The following TMEM116 variants were observed in gnomAD, a reference collection of about 807,000 sequenced individuals.
The protein encoded by TMEM116 is transmembrane protein 116.
TMEM116 carries 38 observed loss-of-function variants against 44.3 expected under a neutral mutation model. The observed-to-expected ratio is 0.86, with a 90% CI of 0.66 to 1.12. The LOEUF (loss-of-function observed/expected upper bound fraction) is 1.12, where lower values mean the gene tolerates loss of function less well. Among genes scored for constraint, TMEM116 ranks in the 50% most tolerant of loss-of-function variants. The pLI is 0.00. For missense variants in TMEM116, 354 were observed against 401.7 expected (o/e 0.88, Z 1.01); for synonymous variants, 132 against 144.8 (o/e 0.91, Z 0.64).
intron 3 of TMEM116, among the ~76,000 whole-genome samples, chr12:112,000,571 G>A (rs1172091536): frequency 6.7e-6 from 1 of 150,016 alleles, no homozygotes; most frequent in East Asian, 1.9e-4. Flanking sequence ...TTGTCACACA[G>A]GCTGGAGTGC....
At chr12:111,979,444 GAA>G (rs2075834695) in intron 4 of TMEM116, among the ~76,000 whole-genome samples, 1 of 152,078 alleles carries the variant, frequency 6.6e-6, no homozygotes. Flanking sequence ...TATAGAAACA[GAA>G]GGAAAACAGA....
At chr12:111,951,639 AC>A (rs2073740969) in intron 4 of TMEM116, among the ~76,000 whole-genome samples, 1 of 152,118 alleles carries the variant, frequency 6.6e-6, no homozygotes, top group Non-Finnish European at 1.5e-5. Flanking sequence ...ATAGAGGGAA[AC>A]AACACACACT....
chr12:111,954,710 T>C (rs1380074321), intron 4 of TMEM116, among the ~76,000 whole-genome samples: 1 of 152,228 alleles, frequency 6.6e-6, no homozygotes, highest in African/African-American at 2.4e-5. Flanking sequence ...CAACCCAAAC[T>C]GGTGTCTCTA....
At chr12:111,997,439 T>C (rs2076986153) in intron 3 of TMEM116, among the ~76,000 whole-genome samples, 1 of 152,066 alleles carries the variant, frequency 6.6e-6, no homozygotes, top group African/African-American at 2.4e-5. Context: ...CGTGCACCTG[T>C]AGTCCCAGCT....
At chr12:111,956,088 G>A (rs2074066173) in intron 4 of TMEM116, among the ~76,000 whole-genome samples, 1 of 152,178 alleles carries the variant, frequency 6.6e-6, no homozygotes, top group East Asian at 1.9e-4. Context: ...ACTAGCTATG[G>A]GCAAATGATT....
chr12:111,937,560 A>T (rs190905064), intron 6 of TMEM116, among the ~76,000 whole-genome samples: 86 of 152,292 alleles, frequency 5.6e-4, no homozygotes, highest in Non-Finnish European at 9.4e-4. Context: ...AAATCTACTA[A>T]GGAGTTCTGT....
At chr12:111,942,218 G>A (rs1210338456) in intron 5 of TMEM116, among the ~76,000 whole-genome samples, 5 of 152,056 alleles carry the variant, frequency 3.3e-5, no homozygotes, top group Non-Finnish European at 5.9e-5. Context: ...GATTACAGGT[G>A]TGAGCCACCA....
At chr12:111,958,277 T>TAACAAAAAA (rs1491480651) in intron 4 of TMEM116, among the ~76,000 whole-genome samples, 1 of 27,494 alleles carries the variant, frequency 3.6e-5, no homozygotes, top group African/African-American at 1.3e-4. Flanking sequence ...CAATAAATAC[T>TAACAAAAAA]AAAAAAAAAA....
intron 4 of TMEM116, among the ~76,000 whole-genome samples, chr12:111,962,708 A>C (rs558694330): frequency 6.6e-6 from 1 of 152,372 alleles, no homozygotes; most frequent in African/African-American, 2.4e-5. Flanking sequence ...AAACCATAAA[A>C]ACCCTAGAAG....
chr12:112,006,112 A>C (rs1288467885), intron 1 of TMEM116: 1 of 242,776 alleles, frequency 4.1e-6, no homozygotes, highest in Non-Finnish European at 6.6e-6. Context: ...TCCTATACTG[A>C]ATCCTGCTCT....
intron 4 of TMEM116, among the ~76,000 whole-genome samples, chr12:111,960,078 A>G (rs2074464228): frequency 6.6e-6 from 1 of 152,222 alleles, no homozygotes; most frequent in Admixed American, 6.5e-5. Context: ...CATTTATTCT[A>G]AAATTGACCA....
intron 5 of TMEM116, among the ~76,000 whole-genome samples, chr12:111,941,430 G>T (rs931916697): frequency 2.7e-5 from 4 of 149,162 alleles, no homozygotes; most frequent in African/African-American, 9.8e-5. Flanking sequence ...GTAAACTAAA[G>T]AAAAGGTGCC....
intron 4 of TMEM116, among the ~76,000 whole-genome samples, chr12:111,960,584 A>G (rs2074510694): frequency 6.6e-6 from 1 of 151,944 alleles, no homozygotes; most frequent in Admixed American, 6.6e-5. Flanking sequence ...ACTACTGGGT[A>G]AATAACGAAA....
chr12:111,962,570 T>C (rs760471877), intron 4 of TMEM116, among the ~76,000 whole-genome samples: 51 of 152,294 alleles, frequency 3.3e-4, no homozygotes, highest in Admixed American at 9.8e-4. Flanking sequence ...GGGGAAAGGA[T>C]TGCCTATTTA....
intron 4 of TMEM116, among the ~76,000 whole-genome samples, chr12:111,946,923 T>A (rs1163766478): frequency 6.6e-6 from 1 of 152,136 alleles, no homozygotes; most frequent in Non-Finnish European, 1.5e-5. Flanking sequence ...ACCTCCAGCA[T>A]AAATGGGTTA....
chr12:111,952,917 G>C (rs1189258403), intron 4 of TMEM116, among the ~76,000 whole-genome samples: 1 of 152,006 alleles, frequency 6.6e-6, no homozygotes, highest in Non-Finnish European at 1.5e-5. Flanking sequence ...CCTAATACAA[G>C]GTCTCACCTA....
chr12:111,964,571 T>G (rs2074856496), intron 4 of TMEM116, among the ~76,000 whole-genome samples: 1 of 152,176 alleles, frequency 6.6e-6, no homozygotes, highest in Admixed American at 6.5e-5. Flanking sequence ...CGAACCAAAT[T>G]TTTTTTCCTG....
chr12:111,983,422 A>G (rs1369814542), intron 4 of TMEM116, among the ~76,000 whole-genome samples: 1 of 151,732 alleles, frequency 6.6e-6, no homozygotes, highest in East Asian at 1.9e-4. Context: ...AGCCTGGGCA[A>G]CAGAGCAAGA....
chr12:111,938,167 A>G lies in TMEM116; in HGVS notation c.359T>C (p.Phe120Ser), dbSNP rs770484097. 1 of 1,596,352 alleles carries G rather than the reference A, an allele frequency of 6.3e-7. No individual in the cohort carries two copies. The highest frequency in any genetic ancestry group is 1.1e-5 in the South Asian group (1 of 87,100). ...AGTAAAGAAAAAATTTTACCTTGAG[A>G]AAACAAAGGCCATTTGACAAACTCG... is the stretch of plus-strand genomic sequence containing the variant. ...TCRVCQMAFVFSSLIPLLLMT... is the reference protein window; with the variant it reads ...TCRVCQMAFVSSSLIPLLLMT... The change falls in exon 6 of 11, where the codon TTC (phenylalanine) becomes TCC (serine). Residue 120 changes from phenylalanine (F) to serine (S), a missense_variant. By Grantham distance (155) the Phe-to-Ser change is radical. Coordinates refer to ENST00000552374, the MANE Select transcript of TMEM116 (RefSeq NM_001193531.2).
Sources: allele counts gnomAD v4.1 joint callset (sites outside exome capture counted in the v4.1 genomes callset), GRCh38; gene constraint gnomAD v4.1.1; transcripts MANE v1.5; gene names NCBI Gene and HGNC (gene_info 2026-07-23, HGNC 2026-07-21).